SYNE2: variants seen among roughly 807,000 people sequenced by gnomAD.
SYNE2 encodes spectrin repeat containing nuclear envelope protein 2, also known as nesprin-2.
In SYNE2, 431 loss-of-function variants were observed where a neutral mutation model predicts 856.3. The ratio of observed to expected loss-of-function variants is 0.50; its 90% CI spans 0.47 to 0.55. SYNE2 has a LOEUF of 0.55. SYNE2 is among the 20% of genes least tolerant of loss of function. The pLI is 0.00. For synonymous variants in SYNE2, 2,923 were observed against 2,872.3 expected, an observed-to-expected ratio of 1.02 and a Z score of -0.56; for missense variants, 8,129 against 8,023.2, an observed-to-expected ratio of 1.01 and a Z score of -0.50.
In SYNE2 at chr14:64,000,606, T is replaced by C; in HGVS notation, c.3525T>C (p.Ile1175=). ...ETDARWKEFE[I]ISLKLENHVN... is the part of the protein sequence containing the mutation. ...ATGCTCGCTGGAAAGAGTTTGAAAT[T>C]ATTTCATTGAAGTTAGAAAATCATG... Residue 1175 remains isoleucine (I), a synonymous_variant, in exon 28 of 116, where the codon ATT becomes ATC. Coordinates refer to ENST00000555002, the MANE Select transcript of SYNE2 (RefSeq NM_182914.3). 6 of 1,613,626 alleles carry C rather than the reference T, an allele frequency of 3.7e-6. No individual in the cohort carries two copies. The highest frequency in any genetic ancestry group is 5.1e-6 in the Non-Finnish European group (6 of 1,179,776).
chr14:63,949,410 C>G (rs2096114097), intron 6 of SYNE2, among the ~76,000 whole-genome samples: 1 of 152,110 alleles, frequency 6.6e-6, no homozygotes, highest in Admixed American at 6.6e-5. Context: ...ATGTGTTTGA[C>G]TATCTTTTTT....
chr14:64,113,223 C>A, intron 65 of SYNE2, 118 bp from the exon 66 acceptor site: 1 of 1,562,888 alleles, frequency 6.4e-7, no homozygotes. Context: ...TTTCTTTCTT[C>A]CTTCTTCTGT....
At chr14:64,154,003 T>C (rs1371175154) in intron 85 of SYNE2, among the ~76,000 whole-genome samples, 1 of 152,026 alleles carries the variant, frequency 6.6e-6, no homozygotes, top group Non-Finnish European at 1.5e-5. Flanking sequence ...GACCTCTGCA[T>C]TCATACAATA....
chr14:64,054,201 T>A (rs1055166245), intron 48 of SYNE2, among the ~76,000 whole-genome samples: 2 of 152,236 alleles, frequency 1.3e-5, no homozygotes, highest in African/African-American at 4.8e-5. Context: ...CAAATCTGAC[T>A]CTTATTTCTG....
chr14:64,077,894 A>C (rs933399375), intron 54 of SYNE2, among the ~76,000 whole-genome samples: 1 of 152,216 alleles, frequency 6.6e-6, no homozygotes, highest in African/African-American at 2.4e-5. Flanking sequence ...TGGCTGGGAA[A>C]ACATCTACAA....
rs1219135930 is a variant in SYNE2 at position 64,225,550 on chromosome 14, A to G, written c.*24A>G. 1.2e-6 allele frequency: 2 copies of G among 1,610,800 alleles called. No homozygotes were observed. The highest frequency in any genetic ancestry group is 2.2e-5 in the East Asian group (1 of 44,838). On this transcript the variant is annotated 3_prime_UTR_variant, in exon 116 of 116. Coordinates refer to ENST00000555002, the MANE Select transcript of SYNE2 (RefSeq NM_182914.3). Reference sequence around the variant, plus strand: ...AGAGGGCATAGCTGGCCACAGTGCTACACCACCTGCCTGATTGCCAAGGGT... The same window carrying G: ...AGAGGGCATAGCTGGCCACAGTGCTGCACCACCTGCCTGATTGCCAAGGGT...
intron 57 of SYNE2, 113 bp downstream of exon 57, chr14:64,081,693 A>G: frequency 8.1e-7 from 1 of 1,240,042 alleles, no homozygotes; most frequent in South Asian, 1.2e-5. Context: ...CCTTACCGCT[A>G]ACCATGTCAG....
In SYNE2 at chr14:64,022,176, AG is replaced by A. The variant is rs1182129504; in HGVS notation, c.5524+149del. 1.3e-5 allele frequency: 10 copies of A among 771,258 alleles called. No individual in the cohort carries two copies. In the Admixed American group the frequency reaches 2.0e-4, roughly 15 times the overall value. The allele number at this position is 771,258 out of a possible 1,614,324, so 47.8% of individuals were successfully genotyped here. A position where few individuals can be genotyped will look rare whatever the true frequency, so the allele number is the denominator to read the frequency against. ...ATAATAATCAGATAAATCTTTTGGG[AG>A]CAAAGACTGATTTATGCTTGACATA... On this transcript the variant is annotated intron_variant, in intron 37 of 115. Coordinates refer to ENST00000555002, the MANE Select transcript of SYNE2 (RefSeq NM_182914.3).
Position 64,137,771 on chromosome 14 carries a change from C to G in SYNE2, c.14647-16C>G, listed in dbSNP as rs754594024. ...ATTTTCTAAATAATTCATTCTATGA[C>G]TTTACTTTTTATTAGCAAATAAAAA... On this transcript the variant is annotated splice_polypyrimidine_tract_variant and intron_variant, in intron 78 of 115. Coordinates refer to ENST00000555002, the MANE Select transcript of SYNE2 (RefSeq NM_182914.3). 25 of 1,613,718 alleles carry G rather than the reference C, an allele frequency of 1.5e-5. No homozygotes were observed. The South Asian group carries it at 2.4e-4, about 16-fold the overall frequency.
At chr14:63,796,802 T>C (rs1317740759) in intron 1 of SYNE2, among the ~76,000 whole-genome samples, 1 of 151,978 alleles carries the variant, frequency 6.6e-6, no homozygotes, top group East Asian at 1.9e-4. Context: ...CTGGGCAACA[T>C]AGCGAGACCC....
chr14:63,801,556 G>A (rs1004769313), intron 1 of SYNE2, among the ~76,000 whole-genome samples: 1 of 152,072 alleles, frequency 6.6e-6, no homozygotes, highest in Admixed American at 6.6e-5. Context: ...GCGCATGCCT[G>A]TAATCCCAGC....
chr14:64,028,965 G>A (rs1467672972), intron 43 of SYNE2, among the ~76,000 whole-genome samples: 1 of 152,008 alleles, frequency 6.6e-6, no homozygotes. Context: ...GTGAAACCAT[G>A]TCTCTACTAA....
chr14:64,197,561 C>T (rs1026310834), intron 99 of SYNE2, among the ~76,000 whole-genome samples: 3 of 152,126 alleles, frequency 2.0e-5, no homozygotes, highest in African/African-American at 7.2e-5. Flanking sequence ...TTGTTTATTT[C>T]AGTACAAATT....
At chr14:64,209,852 C>A (rs2098630616) in intron 102 of SYNE2, 90 bp from the exon 103 acceptor site, 1 of 1,562,096 alleles carries the variant, frequency 6.4e-7, no homozygotes, top group East Asian at 2.3e-5. Context: ...GGGATGAACC[C>A]CTGGCAGCAG....
At chr14:64,032,788 G>A (rs1045546353) in intron 45 of SYNE2, among the ~76,000 whole-genome samples, 6 of 152,142 alleles carry the variant, frequency 3.9e-5, no homozygotes, top group East Asian at 1.9e-4. Context: ...TTTAAAAAAG[G>A]TGATATGTCT....
At position 64,209,511 on chromosome 14, in the gene SYNE2, C is replaced by T. The variant is rs750351980; in HGVS notation, c.18473C>T (p.Thr6158Met). ...FEDWLKSAER[T>M]AACPNSSEVL... ...GACTGGCTCAAGTCAGCTGAGAGGACGGCAGCCTGCCCAAATTCCTCAGAG... is the reference window on the plus strand; with the variant it reads ...GACTGGCTCAAGTCAGCTGAGAGGATGGCAGCCTGCCCAAATTCCTCAGAG... The change falls in exon 102 of 116, where the codon ACG (threonine) becomes ATG (methionine). Residue 6158 changes from threonine to methionine, a missense_variant. Physicochemically the swap from Thr to Met is moderately conservative, Grantham distance 81 (BLOSUM62 -1). Transcript: ENST00000555002. 123 of 1,614,082 alleles carry T rather than the reference C, an allele frequency of 7.6e-5. No homozygotes were observed. The highest frequency in any genetic ancestry group is 4.4e-5 in the South Asian group (4 of 91,080).
chr14:63,942,609 C>T (rs1472064492), intron 6 of SYNE2, among the ~76,000 whole-genome samples: 2 of 152,056 alleles, frequency 1.3e-5, no homozygotes, highest in Non-Finnish European at 2.9e-5. Context: ...GATTCTTCTG[C>T]CTCAGCCTCC....
intron 112 of SYNE2, among the ~76,000 whole-genome samples, chr14:64,221,986 G>A (rs1004358300): frequency 2.6e-5 from 4 of 152,220 alleles, no homozygotes; most frequent in African/African-American, 9.7e-5. Context: ...TTGAGTGGAA[G>A]TATTTTTCTC....
intron 112 of SYNE2, among the ~76,000 whole-genome samples, chr14:64,222,571 G>GA (rs2098699558): frequency 2.0e-5 from 3 of 151,848 alleles, no homozygotes; most frequent in Admixed American, 6.6e-5. Context: ...AAAAATACAA[G>GA]AAAAATTAGC....
Sources: gnomAD v4.1 joint callset for allele counts (sites outside exome capture counted in the v4.1 genomes callset) on GRCh38, gnomAD v4.1.1 for gene constraint, MANE v1.5 for transcripts, NCBI Gene and HGNC (gene_info 2026-07-23, HGNC 2026-07-21) for gene names.